ME3: variants seen among roughly 807,000 people sequenced by gnomAD.
The protein encoded by ME3 is malic enzyme 3, also known as NADP-dependent malic enzyme, mitochondrial.
Under a neutral mutation model 68.9 loss-of-function variants are expected in ME3, and 48 were observed. The ratio of observed to expected loss-of-function variants is 0.70; its 90% CI spans 0.55 to 0.89. The LOEUF (loss-of-function observed/expected upper bound fraction) is 0.89. ME3 is among the 40% of genes least tolerant of loss of function. The pLI, the probability that ME3 is intolerant of heterozygous loss-of-function variation, is 0.00. For synonymous variants in ME3, 320 were observed against 318.8 expected, an observed-to-expected ratio of 1.00 and a Z score of -0.04; for missense variants, 675 against 797.4, an observed-to-expected ratio of 0.85 and a Z score of 1.85.
At chr11:86,611,263 G>A (rs1216488542) in intron 2 of ME3, among the ~76,000 whole-genome samples, 1 of 151,934 alleles carries the variant, frequency 6.6e-6, no homozygotes, top group Non-Finnish European at 1.5e-5. Context: ...GGGAGATGTT[G>A]GTCAAAGGGT....
chr11:86,450,487 C>T lies in ME3; in HGVS notation c.920-89G>A, dbSNP rs888895851. Reference sequence around the variant, plus strand: ...TTGGCAGAGTTCCCCACATCTGGGACTGTGGAGGAACAGGCAACTTTTCTT... The same window carrying T: ...TTGGCAGAGTTCCCCACATCTGGGATTGTGGAGGAACAGGCAACTTTTCTT... On this transcript the variant is annotated intron_variant, in intron 8 of 14. Coordinates refer to ENST00000543262, the Ensembl canonical transcript of ME3. The T allele has an allele frequency of 2.7e-6, 3 of 1,096,630 alleles. No individual in the cohort carries two copies. The African/African-American group carries it at 4.7e-5, about 17-fold the overall frequency. The allele number at this position is 1,096,630 out of a possible 1,614,324, so 67.9% of individuals were successfully genotyped here. A position where few individuals can be genotyped will look rare whatever the true frequency, so the allele number is the denominator to read the frequency against.
chr11:86,495,509 G>T (rs2138997590), intron 6 of ME3, among the ~76,000 whole-genome samples: 1 of 152,344 alleles, frequency 6.6e-6, no homozygotes, highest in African/African-American at 2.4e-5. Flanking sequence ...CTTTTAGAAG[G>T]AATGAAGGTC....
intron 4 of ME3, among the ~76,000 whole-genome samples, chr11:86,536,200 A>G (rs188880568): frequency 1.3e-5 from 2 of 152,272 alleles, no homozygotes; most frequent in East Asian, 3.9e-4. Flanking sequence ...AAACCTAGGC[A>G]TTACCATTCA....
Position 86,449,887 on chromosome 11 carries a change from A to G in ME3, c.1131+2T>C, listed in dbSNP as rs1298437692. ...ACCTCCAGGTCTCCAGACTGACAGT[A>G]CCTTGACAATGAGCCCTTTAGAGTC... On this transcript the variant is annotated splice_donor_variant, in intron 10 of 14. Coordinates refer to ENST00000543262, the Ensembl canonical transcript of ME3. LOFTEE classifies it high-confidence loss of function. The G allele has an allele frequency of 6.2e-7, 1 of 1,610,206 alleles. No homozygotes were observed.
At chr11:86,504,233 GA>G (rs1343692969) in intron 5 of ME3, among the ~76,000 whole-genome samples, 1 of 152,076 alleles carries the variant, frequency 6.6e-6, no homozygotes, top group East Asian at 1.9e-4. Context: ...CCTGTGCCTT[GA>G]AAAACTCTGT....
At chr11:86,622,062 A>C (rs1389738480) in intron 2 of ME3, among the ~76,000 whole-genome samples, 1 of 151,968 alleles carries the variant, frequency 6.6e-6, no homozygotes, top group Non-Finnish European at 1.5e-5. Flanking sequence ...GAGGAGTGTC[A>C]TGATTGATTA....
downstream of ME3, among the ~76,000 whole-genome samples, chr11:86,438,584 A>G (rs1416585865): frequency 1.3e-5 from 2 of 152,208 alleles, no homozygotes; most frequent in African/African-American, 4.8e-5. Context: ...CCAACCAATG[A>G]AGCCACCTGG....
chr11:86,600,522 T>C (rs1269723612), intron 2 of ME3, among the ~76,000 whole-genome samples: 1 of 149,560 alleles, frequency 6.7e-6, no homozygotes, highest in Non-Finnish European at 1.5e-5. Context: ...AACACCCCAC[T>C]GTCAACATTA....
At chr11:86,580,692 T>C (rs1047538757) in intron 2 of ME3, among the ~76,000 whole-genome samples, 1 of 152,202 alleles carries the variant, frequency 6.6e-6, no homozygotes, top group African/African-American at 2.4e-5. Flanking sequence ...GATTATACAG[T>C]TAATAAGTAG....
At chr11:86,475,874 T>TATATATATATAGAGAGAGAGAGAG in intron 7 of ME3, among the ~76,000 whole-genome samples, 15 of 91,450 alleles carry the variant, frequency 1.6e-4, no homozygotes, top group African/African-American at 6.5e-4. Context: ...TATATATATA[T>TATATATATATAGAGAGAGAGAGAG]AGAGAGAGAG....
intron 2 of ME3, among the ~76,000 whole-genome samples, chr11:86,654,541 C>A (rs1030014505): frequency 6.6e-5 from 10 of 152,196 alleles, no homozygotes; most frequent in Non-Finnish European, 1.2e-4. Flanking sequence ...TGACAAAATT[C>A]AACAACCCTT....
chr11:86,556,542 C>T lies in ME3; in HGVS notation c.467+11G>A, dbSNP rs185034328. The T allele has an allele frequency of 4.1e-4, 668 of 1,612,180 alleles. 4 individuals are homozygous for T. The African/African-American group carries it at 8.0e-3, about 19-fold the overall frequency. On this transcript the variant is annotated intron_variant, in intron 4 of 14. Transcript: ENST00000543262. ...AGCCCCTCCCAGAGCCCTCACTCCA[C>T]GGGGGCTCACCGGGGCCTGCGGAAA...
intron 4 of ME3, among the ~76,000 whole-genome samples, chr11:86,555,082 G>A (rs1956863287): frequency 6.6e-6 from 1 of 152,146 alleles, no homozygotes; most frequent in Non-Finnish European, 1.5e-5. Context: ...ACCAAGGAAA[G>A]GGGAGATGCA....
chr11:86,614,338 A>C (rs1307777324), intron 2 of ME3, among the ~76,000 whole-genome samples: 1 of 152,216 alleles, frequency 6.6e-6, no homozygotes, highest in Non-Finnish European at 1.5e-5. Flanking sequence ...TTCACCACTT[A>C]TGTAGAAATT....
At chr11:86,546,941 A>T (rs1217920313) in intron 4 of ME3, among the ~76,000 whole-genome samples, 2 of 152,168 alleles carry the variant, frequency 1.3e-5, no homozygotes, top group African/African-American at 4.8e-5. Context: ...GATAGACTGG[A>T]TAAAGAAAAT....
chr11:86,625,475 T>C (rs750697432), intron 2 of ME3, among the ~76,000 whole-genome samples: 3 of 152,148 alleles, frequency 2.0e-5, no homozygotes, highest in Non-Finnish European at 4.4e-5. Flanking sequence ...TGCCAGCTCA[T>C]GACTGGGGAG....
intron 5 of ME3, 116 bp downstream of exon 5, chr11:86,508,675 AG>A (rs1427895077): frequency 1.1e-6 from 1 of 885,246 alleles, no homozygotes; most frequent in African/African-American, 1.7e-5. Context: ...TAGGAATGGG[AG>A]GTAGTATGCT....
intron 4 of ME3, among the ~76,000 whole-genome samples, chr11:86,525,017 G>A (rs1954626783): frequency 6.6e-6 from 1 of 152,192 alleles, no homozygotes; most frequent in South Asian, 2.1e-4. Flanking sequence ...GAGAAAAGAT[G>A]TGTGTGTCTC....
intron 4 of ME3, among the ~76,000 whole-genome samples, chr11:86,550,309 G>C (rs1012117217): frequency 2.0e-5 from 3 of 152,162 alleles, no homozygotes; most frequent in Non-Finnish European, 1.5e-5. Context: ...GTTAGAGCTA[G>C]AAGAGATCAC....
Sources: allele counts gnomAD v4.1 joint callset (sites outside exome capture counted in the v4.1 genomes callset), GRCh38; gene constraint gnomAD v4.1.1; transcripts MANE v1.5; gene names NCBI Gene and HGNC (gene_info 2026-07-23, HGNC 2026-07-21).